PLCB1: variants seen among roughly 807,000 people sequenced by gnomAD.
PLCB1 encodes the protein phospholipase C beta 1, also known as 1-phosphatidylinositol 4,5-bisphosphate phosphodiesterase beta-1.
In PLCB1, 46 loss-of-function variants were observed where a neutral mutation model predicts 161.8. The ratio of observed to expected loss-of-function variants is 0.28; its 90% CI spans 0.22 to 0.36. The LOEUF is 0.36. Among genes scored for constraint, PLCB1 ranks in the 10% least tolerant of loss-of-function variants. The probability of loss-of-function intolerance (pLI) is 1.00; values close to 1 mark genes in which losing one functional copy is unlikely to be tolerated. For missense variants in PLCB1, 1,016 were observed against 1,472.5 expected, an observed-to-expected ratio of 0.69 and a Z score of 5.07; for synonymous variants, 517 against 503.7, an observed-to-expected ratio of 1.03 and a Z score of -0.35.
intron 2 of PLCB1, among the ~76,000 whole-genome samples, chr20:8,347,423 C>G (rs945427526): frequency 2.0e-5 from 3 of 152,088 alleles, no homozygotes; most frequent in Non-Finnish European, 2.9e-5. Context: ...GATAAGCAGA[C>G]CTGAAACCAA....
chr20:8,298,209 C>T (rs929494996), intron 2 of PLCB1, among the ~76,000 whole-genome samples: 4 of 150,800 alleles, frequency 2.7e-5, no homozygotes, highest in Admixed American at 6.6e-5. Flanking sequence ...GTAGGAGGAT[C>T]GCTTGAGTCT....
intron 3 of PLCB1, among the ~76,000 whole-genome samples, chr20:8,606,990 G>A (rs1395425711): frequency 6.6e-6 from 1 of 152,152 alleles, no homozygotes; most frequent in African/African-American, 2.4e-5. Context: ...AGTTTAGGCA[G>A]GAGATGGTTC....
intron 2 of PLCB1, among the ~76,000 whole-genome samples, chr20:8,234,189 AG>A (rs1980209573): frequency 6.6e-6 from 1 of 152,136 alleles, no homozygotes; most frequent in South Asian, 2.1e-4. Flanking sequence ...TGCTGGTAAA[AG>A]GGAGTGCCTA....
chr20:8,705,786 G>A (rs1229016221), intron 11 of PLCB1, among the ~76,000 whole-genome samples: 4 of 152,202 alleles, frequency 2.6e-5, no homozygotes, highest in African/African-American at 9.7e-5. Context: ...AGAGGGAGAG[G>A]AAAAAGAGAT....
chr20:8,872,105 T>C (rs751797420), intron 31 of PLCB1, among the ~76,000 whole-genome samples: 1 of 130,648 alleles, frequency 7.7e-6, no homozygotes, highest in South Asian at 2.3e-4. Flanking sequence ...GTTTAACTTA[T>C]GTTGCCTTCT....
chr20:8,375,087 T>C (rs535853868), intron 3 of PLCB1, among the ~76,000 whole-genome samples: 1 of 152,346 alleles, frequency 6.6e-6, no homozygotes, highest in South Asian at 2.1e-4. Context: ...GTATATAACC[T>C]TTGTTCAAGT....
rs141390278 is a variant in PLCB1, at chr20:8,841,630, CAACTCCTGACTTAT to C, written c.3424-39990_3424-39977del. Among the ~76,000 whole-genome samples, 624 of 152,294 alleles carry C rather than the reference CAACTCCTGACTTAT, an allele frequency of 4.1e-3. 2 individuals are homozygous for C. Among genetic ancestry groups the C allele is most frequent in the African/African-American group, 0.014 (602 of 41,560 alleles). On this transcript the variant is annotated intron_variant, in intron 31 of 31. Coordinates refer to ENST00000338037, the MANE Select transcript of PLCB1 (RefSeq NM_015192.4). The stretch of plus-strand genomic sequence containing the variant: ...CTGGCAAGGGGTATATGTGTGCATG[CAACTCCTGACTTAT>C]ATCTCCACTCTTACACGTGTGCTAA...
At chr20:8,809,422 G>C (rs1482290888) in intron 31 of PLCB1, among the ~76,000 whole-genome samples, 3 of 152,126 alleles carry the variant, frequency 2.0e-5, no homozygotes, top group Admixed American at 2.0e-4. Flanking sequence ...TGGTGGCTCT[G>C]ACAGTCTGCT....
At chr20:8,437,411 G>A (rs1414296209) in intron 3 of PLCB1, among the ~76,000 whole-genome samples, 1 of 152,198 alleles carries the variant, frequency 6.6e-6, no homozygotes, top group East Asian at 1.9e-4. Flanking sequence ...AGATTAGAAA[G>A]TGTTCAAACA....
At chr20:8,789,432 T>C in intron 29 of PLCB1, 86 bp from the exon 30 acceptor site, 1 of 863,912 alleles carries the variant, frequency 1.2e-6, no homozygotes, top group South Asian at 1.4e-5. Context: ...TTGAGAGTTC[T>C]GTAACCTTTT....
intron 3 of PLCB1, among the ~76,000 whole-genome samples, chr20:8,620,353 C>T (rs935244919): frequency 6.6e-6 from 1 of 152,088 alleles, no homozygotes; most frequent in Non-Finnish European, 1.5e-5. Context: ...CCTCATCCCA[C>T]AGTTTGGAAA....
At chr20:8,670,843 A>G (rs141138449) in intron 9 of PLCB1, among the ~76,000 whole-genome samples, 4 of 152,322 alleles carry the variant, frequency 2.6e-5, no homozygotes, top group Non-Finnish European at 5.9e-5. Context: ...TGCCATCTGC[A>G]CTTACTTTCT....
At chr20:8,491,823 G>A (rs1000381003) in intron 3 of PLCB1, among the ~76,000 whole-genome samples, 1 of 152,094 alleles carries the variant, frequency 6.6e-6, no homozygotes, top group East Asian at 1.9e-4. Flanking sequence ...GTTGGGTTAC[G>A]ATAGGACTCA....
At chr20:8,275,246 C>CGTGTGTGTGT (rs1209090719) in intron 2 of PLCB1, among the ~76,000 whole-genome samples, 8 of 50,868 alleles carry the variant, frequency 1.6e-4, no homozygotes, top group Non-Finnish European at 1.5e-4. Context: ...TTTGCATCAG[C>CGTGTGTGTGT]GTGAGTGTGT....
intron 10 of PLCB1, among the ~76,000 whole-genome samples, chr20:8,689,213 A>C (rs1325017280): frequency 6.6e-6 from 1 of 152,178 alleles, no homozygotes; most frequent in Non-Finnish European, 1.5e-5. Flanking sequence ...AACTTTGCTG[A>C]ATTCTCTTAT....
intron 2 of PLCB1, among the ~76,000 whole-genome samples, chr20:8,349,544 CTGA>C (rs1173670811): frequency 9.2e-5 from 14 of 152,296 alleles, no homozygotes; most frequent in African/African-American, 3.1e-4. Flanking sequence ...AAGGAGCTGT[CTGA>C]ATAATTGCAG....
At chr20:8,192,693 G>A (rs972418426) in intron 2 of PLCB1, among the ~76,000 whole-genome samples, 1 of 151,942 alleles carries the variant, frequency 6.6e-6, no homozygotes. Context: ...GGATTCAGGG[G>A]ATGGGGAGAT....
At chr20:8,378,061 C>G (rs979311941) in intron 3 of PLCB1, among the ~76,000 whole-genome samples, 3 of 152,120 alleles carry the variant, frequency 2.0e-5, no homozygotes, top group African/African-American at 7.2e-5. Flanking sequence ...ATGGTATATA[C>G]GTAAAAGAAT....
At chr20:8,264,312 G>A (rs2743170) in intron 2 of PLCB1, among the ~76,000 whole-genome samples, 6,177 of 152,132 alleles carry the variant, frequency 0.041, 419 homozygotes, top group African/African-American at 0.14. Context: ...CACCTCATAT[G>A]ATAGCAATGC....
Sources: gnomAD v4.1 joint callset for allele counts (sites outside exome capture counted in the v4.1 genomes callset) on GRCh38, gnomAD v4.1.1 for gene constraint, MANE v1.5 for transcripts, NCBI Gene and HGNC (gene_info 2026-07-23, HGNC 2026-07-21) for gene names.